RAB6A: variants seen among roughly 807,000 people sequenced by gnomAD.
RAB6A encodes the protein ras-related protein Rab-6A.
A neutral mutation model predicts 32.3 loss-of-function variants in RAB6A; 8 were observed. The ratio of observed to expected loss-of-function variants is 0.25; its 90% CI spans 0.15 to 0.45. The LOEUF (loss-of-function observed/expected upper bound fraction) is 0.45, where lower values mean the gene tolerates loss of function less well. Among genes scored for constraint, RAB6A ranks in the 20% least tolerant of loss-of-function variants. The pLI is 1.00. For synonymous variants in RAB6A, 73 were observed against 82.1 expected, an observed-to-expected ratio of 0.89 and a Z score of 0.60; for missense variants, 104 against 249.4, an observed-to-expected ratio of 0.42 and a Z score of 3.93.
chr11:73,712,401 A>G (rs1471398997), intron 5 of RAB6A, among the ~76,000 whole-genome samples: 2 of 150,568 alleles, frequency 1.3e-5, no homozygotes, highest in South Asian at 4.2e-4. Context: ...GCCAGGCTGG[A>G]GTGCAGTGGC....
chr11:73,755,347 G>A (rs547958376), intron 1 of RAB6A, among the ~76,000 whole-genome samples: 29 of 151,270 alleles, frequency 1.9e-4, no homozygotes, highest in Non-Finnish European at 2.7e-4. Context: ...AGGCTGGAGC[G>A]CAGTGGCACG....
In RAB6A at chr11:73,716,386, A is replaced by C. The variant is rs149201046; in HGVS notation, c.290-24T>G. ...ATCTAGTATAGGAGGGTAGACAGAG[A>C]GATTAGTGTTGCTGAAAAATGCCTC... On this transcript the variant is annotated intron_variant, in intron 4 of 7. Coordinates refer to ENST00000336083, the MANE Select transcript of RAB6A (RefSeq NM_198896.2). The C allele has an allele frequency of 8.8e-3, 13,785 of 1,567,450 alleles. 85 individuals carry two copies. The highest frequency in any genetic ancestry group is 0.011 in the Non-Finnish European group (12,004 of 1,141,374).
intron 6 of RAB6A, among the ~76,000 whole-genome samples, chr11:73,684,101 T>C (rs1055490047): frequency 1.3e-5 from 2 of 152,024 alleles, no homozygotes; most frequent in African/African-American, 4.8e-5. Context: ...TGCAGAAGGC[T>C]ACGATCAGAT....
At chr11:73,734,720 G>C (rs766737480) in intron 1 of RAB6A, among the ~76,000 whole-genome samples, 3 of 152,130 alleles carry the variant, frequency 2.0e-5, no homozygotes, top group African/African-American at 7.2e-5. Flanking sequence ...CTGACAGGAG[G>C]TGGAGCTCAG....
Position 73,760,882 on chromosome 11 carries a change from G to T in RAB6A, c.-247C>A. 1 of 500,016 alleles carries T rather than the reference G, an allele frequency of 2.0e-6. No homozygotes were observed. The highest frequency in any genetic ancestry group is 5.6e-4 in the Middle Eastern group (1 of 1,800). 31.0% of individuals were successfully genotyped at this position (500,016 alleles called of 1,614,324 possible). ...CGGCTGGGAAGGGAAGGAGGGCGGT[G>T]TCGGCAGGAGCCAGGGGTGTCCTCT... On this transcript the variant is annotated 5_prime_UTR_variant, in exon 1 of 8. Coordinates refer to ENST00000336083, the MANE Select transcript of RAB6A (RefSeq NM_198896.2).
intron 7 of RAB6A, among the ~76,000 whole-genome samples, chr11:73,678,374 T>C (rs987474880): frequency 1.3e-5 from 2 of 152,192 alleles, no homozygotes; most frequent in Non-Finnish European, 2.9e-5. Context: ...CCCAACACTT[T>C]GGGAGGTTGA....
intron 1 of RAB6A, among the ~76,000 whole-genome samples, chr11:73,735,937 A>AAAAAAAAAG (rs56012322): frequency 1.5e-4 from 18 of 123,594 alleles, no homozygotes; most frequent in Middle Eastern, 4.5e-3. Context: ...AAAAAAAAAA[A>AAAAAAAAAG]AGAGAGAGAG....
rs200859754 is a variant in RAB6A, at chr11:73,711,303, C to A, written c.402-3790G>T. On this transcript the variant is annotated intron_variant, in intron 5 of 7. Transcript: ENST00000336083. Reference sequence around the variant, plus strand: ...GCAGCCCAGTAGGGTCCTCATTTTGCTTTAGGTAATGTGTATATACATCTG... The same window carrying A: ...GCAGCCCAGTAGGGTCCTCATTTTGATTTAGGTAATGTGTATATACATCTG... Among the ~76,000 whole-genome samples the A allele has an allele frequency of 1.3e-4, 19 of 151,632 alleles. 1 individual carries two copies. The highest frequency in any genetic ancestry group is 9.6e-4 in the East Asian group (5 of 5,184).
intron 1 of RAB6A, among the ~76,000 whole-genome samples, chr11:73,749,620 G>T (rs1237662177): frequency 2.6e-5 from 4 of 152,204 alleles, no homozygotes; most frequent in Non-Finnish European, 4.4e-5. Context: ...GAGGCCAGAG[G>T]ATCACTCGAG....
At chr11:73,696,335 T>C (rs750449517) in intron 6 of RAB6A, among the ~76,000 whole-genome samples, 18 of 152,092 alleles carry the variant, frequency 1.2e-4, no homozygotes, top group Non-Finnish European at 2.1e-4. Context: ...GTAGCTGAGA[T>C]TATAGGCACC....
rs1206101146 is a variant in RAB6A at position 73,731,247 on chromosome 11, A to G, written c.71-424T>C. Reference sequence around the variant, plus strand: ...AGGGCTACAAGAACTACACTGTTTTAAGAGTGAGAAAAACTGGCCAGGTGC... The same window carrying G: ...AGGGCTACAAGAACTACACTGTTTTGAGAGTGAGAAAAACTGGCCAGGTGC... On this transcript the variant is annotated intron_variant, in intron 1 of 7. Transcript: ENST00000336083. Among the ~76,000 whole-genome samples the G allele has an allele frequency of 3.3e-5, 5 of 152,056 alleles. No homozygotes were observed. In the East Asian group the frequency reaches 9.6e-4, roughly 29 times the overall value.
chr11:73,756,155 C>A (rs1946747882), intron 1 of RAB6A, among the ~76,000 whole-genome samples: 1 of 151,700 alleles, frequency 6.6e-6, no homozygotes, highest in African/African-American at 2.4e-5. Context: ...AACTTTGAGA[C>A]CAGCCTGGGC....
chr11:73,720,839 T>G lies in RAB6A; in HGVS notation c.183+7A>C. 2 of 1,600,540 alleles carry G rather than the reference T, an allele frequency of 1.2e-6. No homozygotes were observed. Among genetic ancestry groups the G allele is most frequent in the South Asian group, 1.1e-5 (1 of 88,808 alleles). ...GCAGAAAATTGCACACTGAAAATAT[T>G]ACTCACTGTTCGATCCTCCAAGTAC... On this transcript the variant is annotated splice_region_variant and intron_variant, in intron 3 of 7. Coordinates refer to ENST00000336083, the MANE Select transcript of RAB6A (RefSeq NM_198896.2).
intron 6 of RAB6A, among the ~76,000 whole-genome samples, chr11:73,698,969 A>G (rs1945698706): frequency 6.7e-6 from 1 of 149,088 alleles, no homozygotes. Context: ...CTCCTGCCTC[A>G]GCCTTCCCAG....
chr11:73,698,937 C>T (rs560763489), intron 6 of RAB6A, among the ~76,000 whole-genome samples: 10 of 151,332 alleles, frequency 6.6e-5, no homozygotes, highest in Admixed American at 2.6e-4. Context: ...CTCCAACCTC[C>T]GCCTCCCAGG....
intron 1 of RAB6A, among the ~76,000 whole-genome samples, chr11:73,739,828 G>C (rs777975073): frequency 6.6e-6 from 1 of 152,092 alleles, no homozygotes; most frequent in South Asian, 2.1e-4. Context: ...AGGCCCGGGC[G>C]GGCAGATCAC....
intron 6 of RAB6A, among the ~76,000 whole-genome samples, chr11:73,689,648 T>C (rs1945513678): frequency 2.0e-5 from 3 of 152,228 alleles, no homozygotes; most frequent in South Asian, 4.1e-4. Context: ...AATCCACTTA[T>C]GACCTACAAG....
At chr11:73,741,148 C>A (rs539339958) in intron 1 of RAB6A, among the ~76,000 whole-genome samples, 1 of 151,898 alleles carries the variant, frequency 6.6e-6, no homozygotes, top group Admixed American at 6.6e-5. Context: ...TCCTTCCCCC[C>A]ACCCCCCCAA....
intron 2 of RAB6A, chr11:73,722,328 TATATATATATATA>T (rs1946149941): frequency 9.3e-5 from 1 of 10,740 alleles, no homozygotes; most frequent in African/African-American, 3.0e-4. Flanking sequence ...TATATATATA[TATATATATATATA>T]TATTTTTTTT....
Sources: gnomAD v4.1 joint callset for allele counts (sites outside exome capture counted in the v4.1 genomes callset) on GRCh38, gnomAD v4.1.1 for gene constraint, MANE v1.5 for transcripts, NCBI Gene and HGNC (gene_info 2026-07-23, HGNC 2026-07-21) for gene names.